The following DIAPH3 variants were observed in gnomAD, a reference collection of about 807,000 sequenced individuals.
The protein encoded by DIAPH3 is diaphanous related formin 3, also known as protein diaphanous homolog 3.
In DIAPH3, 117 loss-of-function variants were observed where a neutral mutation model predicts 144.3. The ratio of observed to expected loss-of-function variants is 0.81; its 90% CI spans 0.70 to 0.95. DIAPH3 has a LOEUF of 0.95. Ranked by LOEUF, DIAPH3 falls within the 40% of genes least tolerant of loss-of-function variation. The probability of loss-of-function intolerance (pLI) is 0.00; values close to 1 mark genes in which losing one functional copy is unlikely to be tolerated. For synonymous variants in DIAPH3, 519 were observed against 488.9 expected (o/e 1.06, Z -0.81); for missense variants, 1,421 against 1,412.7 (o/e 1.01, Z -0.09).
At chr13:59,952,215 A>G (rs182294032) in intron 17 of DIAPH3, among the ~76,000 whole-genome samples, 1 of 152,264 alleles carries the variant, frequency 6.6e-6, no homozygotes, top group Admixed American at 6.5e-5. Flanking sequence ...ATAGGCAGAA[A>G]ACAGATTGGT....
intron 14 of DIAPH3, among the ~76,000 whole-genome samples, chr13:59,979,517 CAAT>C (rs1393122648): frequency 6.6e-6 from 1 of 151,588 alleles, no homozygotes; most frequent in East Asian, 1.9e-4. Context: ...AGAGCAACAA[CAAT>C]ATTATATTCA....
intron 27 of DIAPH3, among the ~76,000 whole-genome samples, chr13:59,770,720 A>T (rs2139253465): frequency 6.6e-6 from 1 of 152,268 alleles, no homozygotes; most frequent in East Asian, 1.9e-4. Flanking sequence ...AGTCTGGATC[A>T]GTCTTTCTGA....
chr13:59,930,858 G>T (rs1162853212), intron 17 of DIAPH3, among the ~76,000 whole-genome samples: 1 of 152,110 alleles, frequency 6.6e-6, no homozygotes, highest in Non-Finnish European at 1.5e-5. Flanking sequence ...TTCACCAAGG[G>T]CAATAACAAC....
intron 17 of DIAPH3, among the ~76,000 whole-genome samples, chr13:59,956,897 CTTTAAGA>C (rs1264143757): frequency 2.0e-5 from 3 of 152,182 alleles, no homozygotes; most frequent in Non-Finnish European, 2.9e-5. Flanking sequence ...AATTTTGGAG[CTTTAAGA>C]TTTGACTGCC....
At chr13:59,965,514 TA>T (rs1449150792) in intron 17 of DIAPH3, among the ~76,000 whole-genome samples, 1 of 147,106 alleles carries the variant, frequency 6.8e-6, no homozygotes, top group Non-Finnish European at 1.5e-5. Context: ...CTGTAAAAAT[TA>T]ACCAACAGAT....
intron 4 of DIAPH3, among the ~76,000 whole-genome samples, chr13:60,079,057 T>C (rs1261132517): frequency 6.6e-6 from 1 of 152,076 alleles, no homozygotes; most frequent in Non-Finnish European, 1.5e-5. Flanking sequence ...CGAGCCAATA[T>C]GCTCTGTTTT....
chr13:60,031,925 G>T (rs2054831283), intron 5 of DIAPH3, among the ~76,000 whole-genome samples: 1 of 151,884 alleles, frequency 6.6e-6, no homozygotes, highest in African/African-American at 2.4e-5. Context: ...TGTATTTTTA[G>T]TAGAGGCGGG....
intron 1 of DIAPH3, among the ~76,000 whole-genome samples, chr13:60,149,860 T>C (rs1951704172): frequency 1.3e-5 from 2 of 151,902 alleles, no homozygotes; most frequent in South Asian, 4.2e-4. Context: ...ACTTCTCTGA[T>C]ACTTTCTTTC....
chr13:59,999,777 T>C (rs2052415668), intron 9 of DIAPH3, among the ~76,000 whole-genome samples: 2 of 152,114 alleles, frequency 1.3e-5, no homozygotes, highest in South Asian at 2.1e-4. Context: ...CAGATCTGCA[T>C]TGAGTTTGAC....
rs765318944 is a variant in DIAPH3 at position 59,879,354 on chromosome 13, C to T, written c.2482G>A (p.Glu828Lys). ...AAGCTTTTGCTCTTCTTTATCTCTT[C>T]GCAGGCAGTACTGACAGCCATGATG... ...PDIMAVSTAC[E>K]EIKKSKSFSK... is the part of the protein sequence containing the mutation. Residue 828 changes from glutamate to lysine, a missense_variant, in exon 21 of 28, where the codon GAA becomes AAA. Transcript: ENST00000400324. The T allele has an allele frequency of 7.4e-6, 12 of 1,613,730 alleles. No homozygotes were observed. Among genetic ancestry groups the T allele is most frequent in the Admixed American group, 5.0e-5 (3 of 59,952 alleles).
At chr13:59,783,097 A>C (rs928225865) in intron 25 of DIAPH3, among the ~76,000 whole-genome samples, 2 of 152,198 alleles carry the variant, frequency 1.3e-5, no homozygotes, top group Non-Finnish European at 2.9e-5. Context: ...AAGAGAAAAG[A>C]CTAAAGGCAA....
chr13:59,925,534 T>G (rs2047712912), intron 17 of DIAPH3, among the ~76,000 whole-genome samples: 1 of 152,164 alleles, frequency 6.6e-6, no homozygotes, highest in Non-Finnish European at 1.5e-5. Context: ...TGGGTCCTCG[T>G]CTTGTCTTGG....
At chr13:59,672,842 A>T (rs1305339660) in intron 27 of DIAPH3, among the ~76,000 whole-genome samples, 1 of 152,250 alleles carries the variant, frequency 6.6e-6, no homozygotes, top group East Asian at 1.9e-4. Flanking sequence ...ATTAAAACAA[A>T]TTATGTAAAA....
At chr13:60,090,889 TTTAA>T (rs1223212102) in intron 4 of DIAPH3, among the ~76,000 whole-genome samples, 1 of 152,224 alleles carries the variant, frequency 6.6e-6, no homozygotes, top group Non-Finnish European at 1.5e-5. Context: ...ATCCTGATAA[TTTAA>T]TTACCTAATT....
chr13:59,875,523 T>C (rs1445433976), intron 21 of DIAPH3, among the ~76,000 whole-genome samples: 1 of 150,074 alleles, frequency 6.7e-6, no homozygotes, highest in African/African-American at 2.4e-5. Context: ...AAAGAGAGAT[T>C]GTTCTAAAAA....
chr13:59,742,966 G>A (rs2036535809), intron 27 of DIAPH3, among the ~76,000 whole-genome samples: 1 of 152,180 alleles, frequency 6.6e-6, no homozygotes, highest in Non-Finnish European at 1.5e-5. Context: ...CCTAGAAGGT[G>A]AAAGAATTGT....
chr13:59,891,861 G>A, intron 20 of DIAPH3, among the ~76,000 whole-genome samples: 1 of 152,008 alleles, frequency 6.6e-6, no homozygotes, highest in East Asian at 1.9e-4. Flanking sequence ...AGGTCAAAAA[G>A]TTGCCTAATC....
At chr13:59,787,350 G>A (rs1312186805) in intron 25 of DIAPH3, among the ~76,000 whole-genome samples, 1 of 152,130 alleles carries the variant, frequency 6.6e-6, no homozygotes, top group African/African-American at 2.4e-5. Flanking sequence ...AGAGAATATG[G>A]AAAAGTATAT....
At chr13:59,891,692 A>G (rs1455435040) in intron 20 of DIAPH3, among the ~76,000 whole-genome samples, 1 of 152,062 alleles carries the variant, frequency 6.6e-6, no homozygotes, top group Non-Finnish European at 1.5e-5. Flanking sequence ...AGAAGCATTT[A>G]AACAGGGAAA....
Sources: allele counts gnomAD v4.1 joint callset (sites outside exome capture counted in the v4.1 genomes callset), GRCh38; gene constraint gnomAD v4.1.1; transcripts MANE v1.5; gene names NCBI Gene and HGNC (gene_info 2026-07-23, HGNC 2026-07-21).